NDUFS5: variants seen among roughly 807,000 people sequenced by gnomAD.
NDUFS5 encodes the protein NADH dehydrogenase [ubiquinone] iron-sulfur protein 5.
NDUFS5 carries 7 observed loss-of-function variants against 10.5 expected under a neutral mutation model. The ratio of observed to expected loss-of-function variants is 0.66; its 90% CI spans 0.38 to 1.25. The LOEUF (loss-of-function observed/expected upper bound fraction) is 1.25, where lower values mean the gene tolerates loss of function less well. Ranked by LOEUF, NDUFS5 falls within the 50% of genes most tolerant of loss-of-function variation. The probability of loss-of-function intolerance (pLI) is 0.02; values close to 1 mark genes in which losing one functional copy is unlikely to be tolerated. For missense variants in NDUFS5, 148 were observed against 140.7 expected, an observed-to-expected ratio of 1.05 and a Z score of -0.26; for synonymous variants, 38 against 44.0, an observed-to-expected ratio of 0.86 and a Z score of 0.54.
intron 1 of NDUFS5, among the ~76,000 whole-genome samples, chr1:39,027,909 C>G (rs150236033): frequency 1.4e-4 from 20 of 147,130 alleles, no homozygotes; most frequent in African/African-American, 4.7e-4. Flanking sequence ...CCTCTGTCTC[C>G]CCAGTTCAAG....
intron 2 of NDUFS5, among the ~76,000 whole-genome samples, chr1:39,032,969 A>G (rs1264102880): frequency 6.6e-6 from 1 of 152,180 alleles, no homozygotes; most frequent in Non-Finnish European, 1.5e-5. Context: ...TTGTCTCAGT[A>G]AGATAGCCAT....
chr1:39,028,987 TG>T, intron 2 of NDUFS5, 47 bp downstream of exon 2: 3 of 1,482,488 alleles, frequency 2.0e-6, no homozygotes, highest in Non-Finnish European at 2.7e-6. Flanking sequence ...CTTGTTCCTT[TG>T]GGACTCTTTT....
At chr1:39,033,273 C>T (rs2148084738) in intron 2 of NDUFS5, among the ~76,000 whole-genome samples, 1 of 152,148 alleles carries the variant, frequency 6.6e-6, no homozygotes, top group East Asian at 2.0e-4. Flanking sequence ...GCCACTTCCA[C>T]ATAGAATATG....
At chr1:39,034,300 T>TA in intron 2 of NDUFS5, 92 bp from the exon 3 acceptor site, 2 of 1,283,914 alleles carry the variant, frequency 1.6e-6, no homozygotes, top group Non-Finnish European at 2.2e-6. Flanking sequence ...TTTTGTAGTT[T>TA]AAAAATGAAA....
intron 2 of NDUFS5, among the ~76,000 whole-genome samples, chr1:39,034,105 C>T (rs1290776512): frequency 6.6e-6 from 1 of 152,088 alleles, no homozygotes; most frequent in Non-Finnish European, 1.5e-5. Flanking sequence ...ATTTTAGTAT[C>T]CACAAATATG....
At position 39,028,711 on chromosome 1, in the gene NDUFS5, C is replaced by T; in HGVS notation, c.-2-12C>T. On this transcript the variant is annotated splice_polypyrimidine_tract_variant and intron_variant, in intron 1 of 2. Transcript: ENST00000372969. ...ATTTTATTTACTTATTTTTTTAAAT[C>T]TTCCATTACAGCCATGCCTTTCTTG... 1 of 1,611,798 alleles carries T rather than the reference C, an allele frequency of 6.2e-7. No homozygotes were observed. The highest frequency in any genetic ancestry group is 8.5e-7 in the Non-Finnish European group (1 of 1,178,148).
At chr1:39,027,768 A>C (rs1393197824) in intron 1 of NDUFS5, among the ~76,000 whole-genome samples, 1 of 101,180 alleles carries the variant, frequency 9.9e-6, no homozygotes, top group East Asian at 2.7e-4. Context: ...TTTTTTTGAG[A>C]CAGAGAACCT....
rs753489150 is a variant in NDUFS5, at chr1:39,028,876, G to A, written c.152G>A (p.Arg51Gln). Residue 51 changes from arginine to glutamine, a missense_variant, in exon 2 of 3, where the codon CGG becomes CAG. Coordinates refer to ENST00000372969, the MANE Select transcript of NDUFS5 (RefSeq NM_004552.3). ...TGTGCACATGGAATCGGTTATACTCGGGCAGAGAAAGAGTGCAAGATAGAA... is the reference window on the plus strand; with the variant it reads ...TGTGCACATGGAATCGGTTATACTCAGGCAGAGAAAGAGTGCAAGATAGAA... ...IECAHGIGYT[R>Q]AEKECKIEYD... 6 of 1,614,064 alleles carry A rather than the reference G, an allele frequency of 3.7e-6. No homozygotes were observed. Among genetic ancestry groups the A allele is most frequent in the East Asian group, 2.2e-5 (1 of 44,886 alleles).
Position 39,027,862 on chromosome 1 carries a change from A to G in NDUFS5, c.-2-861A>G, listed in dbSNP as rs1570990121. Among the ~76,000 whole-genome samples the G allele has an allele frequency of 2.5e-5, 3 of 119,866 alleles. No individual in the cohort carries two copies. In the South Asian group the frequency reaches 7.9e-4, roughly 32 times the overall value. 78.6% of individuals were successfully genotyped at this position (119,866 alleles called of 152,430 possible). On this transcript the variant is annotated intron_variant, in intron 1 of 2. Transcript: ENST00000372969. The stretch of plus-strand genomic sequence containing the variant: ...GAGACAGAGTCTCGCTCTGTCGCCC[A>G]GGCTGGAGTACAATGGCGGATCTTG...
chr1:39,033,757 C>T (rs1644209180), intron 2 of NDUFS5, among the ~76,000 whole-genome samples: 1 of 151,764 alleles, frequency 6.6e-6, no homozygotes, highest in Admixed American at 6.6e-5. Context: ...GCCTCGGCCT[C>T]CCAAAGTGCT....
intron 1 of NDUFS5, among the ~76,000 whole-genome samples, chr1:39,026,709 G>T (rs1644151120): frequency 6.6e-6 from 1 of 152,180 alleles, no homozygotes; most frequent in Admixed American, 6.5e-5. Context: ...TTTCGGCCCC[G>T]CCGGCCTCCT....
At chr1:39,027,397 G>T (rs946581252) in intron 1 of NDUFS5, among the ~76,000 whole-genome samples, 1 of 152,046 alleles carries the variant, frequency 6.6e-6, no homozygotes, top group Non-Finnish European at 1.5e-5. Flanking sequence ...TCTACCATGA[G>T]TACACATTTA....
chr1:39,030,414 A>AAAAAGAAAAT (rs1644182158), intron 2 of NDUFS5, among the ~76,000 whole-genome samples: 5 of 148,198 alleles, frequency 3.4e-5, no homozygotes, highest in South Asian at 4.3e-4. Context: ...CAAGAAAAAA[A>AAAAAGAAAAT]AAAAAAAGAT....
chr1:39,032,713 A>G (rs1027506166), intron 2 of NDUFS5, among the ~76,000 whole-genome samples: 1 of 152,176 alleles, frequency 6.6e-6, no homozygotes, highest in African/African-American at 2.4e-5. Context: ...AATAAACAGA[A>G]GGATAGAAAG....
chr1:39,031,270 C>G (rs910495839), intron 2 of NDUFS5, among the ~76,000 whole-genome samples: 1 of 152,048 alleles, frequency 6.6e-6, no homozygotes, highest in African/African-American at 2.4e-5. Flanking sequence ...ATTGGCCTCC[C>G]AAAGTGCTGG....
chr1:39,034,333 G>T, intron 2 of NDUFS5, 59 bp from the exon 3 acceptor site: 1 of 1,538,108 alleles, frequency 6.5e-7, no homozygotes, highest in Non-Finnish European at 9.0e-7. Context: ...TGTTTTTCCA[G>T]TTCTCACTTT....
Position 39,034,456 on chromosome 1 carries a change from C to T in NDUFS5, c.281C>T (p.Pro94Leu), listed in dbSNP as rs751084864. The change falls in exon 3 of 3, where the codon CCT becomes CTT. Residue 94 changes from proline to leucine, a missense_variant. Transcript: ENST00000372969. ...CTGATAAAGGAAGGAAAGTACACCC[C>T]TCCACCTCACCACATTGGCAAGGGG... ...DKLIKEGKYT[P>L]PPHHIGKGEP... The T allele has an allele frequency of 1.2e-6, 2 of 1,613,782 alleles. No homozygotes were observed. The highest frequency in any genetic ancestry group is 1.7e-6 in the Non-Finnish European group (2 of 1,179,796).
intron 1 of NDUFS5, among the ~76,000 whole-genome samples, chr1:39,027,072 T>G (rs574232797): frequency 6.6e-6 from 1 of 152,298 alleles, no homozygotes; most frequent in African/African-American, 2.4e-5. Flanking sequence ...AGAAGTTAAA[T>G]TCACCTTTTT....
At chr1:39,033,742 C>T (rs574295267) in intron 2 of NDUFS5, among the ~76,000 whole-genome samples, 95 of 151,874 alleles carry the variant, frequency 6.3e-4, no homozygotes, top group Admixed American at 1.2e-3. Flanking sequence ...CCTTGTGATT[C>T]GCCCGCCTCG....
Sources: allele counts gnomAD v4.1 joint callset (sites outside exome capture counted in the v4.1 genomes callset), GRCh38; gene constraint gnomAD v4.1.1; transcripts MANE v1.5; gene names NCBI Gene and HGNC (gene_info 2026-07-23, HGNC 2026-07-21).